UBR2: variants seen among roughly 807,000 people sequenced by gnomAD.
UBR2 encodes ubiquitin protein ligase E3 component n-recognin 2.
A neutral mutation model predicts 247.9 loss-of-function variants in UBR2; 92 were observed. That is an observed-to-expected ratio of 0.37 (90% confidence interval 0.31 to 0.44). The LOEUF (loss-of-function observed/expected upper bound fraction) is 0.44, where lower values mean the gene tolerates loss of function less well. UBR2 is among the 20% of genes least tolerant of loss of function. UBR2 has a pLI of 1.00. For missense variants in UBR2, 1,613 were observed against 2,112.6 expected (o/e 0.76, Z 4.64); for synonymous variants, 672 against 693.5 (o/e 0.97, Z 0.49).
chr6:42,681,664 A>G (rs1177312541), intron 42 of UBR2, among the ~76,000 whole-genome samples: 1 of 152,238 alleles, frequency 6.6e-6, no homozygotes, highest in African/African-American at 2.4e-5. Context: ...AGAAAATGAT[A>G]GAGCCACTAC....
chr6:42,652,838 T>TA (rs1212105520), intron 25 of UBR2, among the ~76,000 whole-genome samples, 193 bp downstream of exon 25: 1 of 152,216 alleles, frequency 6.6e-6, no homozygotes, highest in Non-Finnish European at 1.5e-5. Context: ...ACATGGTTGT[T>TA]ATTACCTCAG....
chr6:42,655,474 A>T (rs1797390373), intron 25 of UBR2, 147 bp from the exon 26 acceptor site: 1 of 502,348 alleles, frequency 2.0e-6, no homozygotes, highest in Non-Finnish European at 3.4e-6. Flanking sequence ...AAAGAAAAAA[A>T]AATTAGTACT....
intron 44 of UBR2, 95 bp from the exon 45 acceptor site, chr6:42,688,121 G>C: frequency 6.9e-7 from 1 of 1,444,202 alleles, no homozygotes. Context: ...GGCTTTACTT[G>C]ATATTGCAGA....
chr6:42,608,853 T>C (rs1362869706), intron 7 of UBR2, among the ~76,000 whole-genome samples: 1 of 152,162 alleles, frequency 6.6e-6, no homozygotes, highest in East Asian at 1.9e-4. Context: ...GTGCCTTTCA[T>C]TGAGCAAAAA....
chr6:42,605,781 A>G lies in UBR2; in HGVS notation c.723A>G (p.Gln241=), dbSNP rs376110861. The G allele has an allele frequency of 3.1e-6, 5 of 1,613,164 alleles. No individual in the cohort carries two copies. The African/African-American group carries it at 4.0e-5, about 13-fold the overall frequency. The change falls in exon 6 of 47, where the codon CAA becomes CAG. Residue 241 remains glutamine (Q), a synonymous_variant. Transcript: ENST00000372901. ...LFNDEVHTYE[Q]VIYTLQKAVN... is the part of the protein sequence containing the mutation. The stretch of plus-strand genomic sequence containing the variant: ...ATGATGAGGTTCACACCTATGAACA[A>G]GTTATTTATACTCTTCAGAAAGCTG...
At chr6:42,571,242 CA>C (rs774925925) in intron 1 of UBR2, among the ~76,000 whole-genome samples, 11,669 of 39,500 alleles carry the variant, frequency 0.3, 108 homozygotes, top group African/African-American at 0.33. Context: ...GACTCCGTCT[CA>C]AAAAAAAAAA....
intron 43 of UBR2, among the ~76,000 whole-genome samples, chr6:42,684,375 G>C (rs1326122669): frequency 6.6e-6 from 1 of 151,446 alleles, no homozygotes. Context: ...AGGAGATCAA[G>C]ACCATCCTGG....
chr6:42,675,176 T>A (rs981228055), intron 38 of UBR2, among the ~76,000 whole-genome samples: 1 of 152,212 alleles, frequency 6.6e-6, no homozygotes, highest in Admixed American at 6.5e-5. Flanking sequence ...GCTATTACTG[T>A]TCTCATTGCT....
intron 5 of UBR2, among the ~76,000 whole-genome samples, chr6:42,604,822 T>G (rs2151928486): frequency 6.6e-6 from 1 of 151,844 alleles, no homozygotes; most frequent in East Asian, 1.9e-4. Context: ...AGCCCAGGAG[T>G]TGGAGACCAG....
Position 42,678,803 on chromosome 6 carries a change from T to C in UBR2, c.4609+134T>C, listed in dbSNP as rs758231795. ...CTTATTGACTATGGTGATGTACACA[T>C]TTATAGCATAAAATGTATGTTTATG... is the stretch of plus-strand genomic sequence containing the variant. On this transcript the variant is annotated intron_variant, in intron 41 of 46. Coordinates refer to ENST00000372901, the MANE Select transcript of UBR2 (RefSeq NM_001363705.2). 8 of 971,490 alleles carry C rather than the reference T, an allele frequency of 8.2e-6. No individual in the cohort carries two copies. In the Admixed American group the frequency reaches 2.4e-4, roughly 29 times the overall value. The allele number at this position is 971,490 out of a possible 1,614,324, so 60.2% of individuals were successfully genotyped here. A position where few individuals can be genotyped will look rare whatever the true frequency, so the allele number is the denominator to read the frequency against.
intron 14 of UBR2, among the ~76,000 whole-genome samples, chr6:42,635,925 G>C (rs539182818): frequency 9.4e-4 from 143 of 152,272 alleles, no homozygotes; most frequent in African/African-American, 3.4e-3. Flanking sequence ...TGGCGATAAA[G>C]TCTAGATGAG....
At chr6:42,619,431 A>ATTTTTTTTTTTTTTT (rs1562317871) in intron 11 of UBR2, 1 of 17,186 alleles carries the variant, frequency 5.8e-5, no homozygotes, top group African/African-American at 2.5e-4. Flanking sequence ...ATATATATAT[A>ATTTTTTTTTTTTTTT]TATATATATA....
chr6:42,631,266 G>A (rs1395203709), intron 11 of UBR2, among the ~76,000 whole-genome samples: 2 of 152,166 alleles, frequency 1.3e-5, no homozygotes, highest in African/African-American at 4.8e-5. Context: ...ATGATCTTTT[G>A]TATCAGAGTG....
intron 11 of UBR2, among the ~76,000 whole-genome samples, chr6:42,622,256 T>A (rs1330845778): frequency 2.6e-5 from 4 of 152,074 alleles, no homozygotes; most frequent in Non-Finnish European, 5.9e-5. Flanking sequence ...TGACCTCAGG[T>A]GATCCACCCA....
chr6:42,689,730 A>G lies in UBR2; in HGVS notation c.5126+60A>G. On this transcript the variant is annotated intron_variant, in intron 46 of 46. Transcript: ENST00000372901. The surrounding 1 kb of genome is among the most constrained non-coding windows in gnomAD (Gnocchi z 4.0). The stretch of plus-strand genomic sequence containing the variant: ...CTGCAGCGCCCTTCCGTATGTGGTG[A>G]CGTCCTGAGGGTGGAGGGCTGAGGT... The G allele has an allele frequency of 6.8e-7, 1 of 1,468,224 alleles. No individual in the cohort carries two copies. The highest frequency in any genetic ancestry group is 1.4e-5 in the African/African-American group (1 of 72,006). The allele number at this position is 1,468,224 out of a possible 1,614,324, so 90.9% of individuals were successfully genotyped here.
chr6:42,609,908 A>G (rs939151707), intron 7 of UBR2, among the ~76,000 whole-genome samples: 4 of 151,352 alleles, frequency 2.6e-5, no homozygotes, highest in African/African-American at 7.3e-5. Flanking sequence ...AAAAAAAAAA[A>G]GAAAAAAAAA....
chr6:42,680,979 C>T (rs1206727550), intron 42 of UBR2, among the ~76,000 whole-genome samples: 1 of 151,814 alleles, frequency 6.6e-6, no homozygotes, highest in African/African-American at 2.4e-5. Flanking sequence ...CTGGCTAACA[C>T]GATGAAACCC....
intron 8 of UBR2, among the ~76,000 whole-genome samples, chr6:42,614,492 G>A (rs1380286661): frequency 6.7e-6 from 1 of 148,270 alleles, no homozygotes; most frequent in Non-Finnish European, 1.5e-5. Flanking sequence ...TTATTTTAAT[G>A]CTTATATTAA....
chr6:42,578,345 CAG>C, intron 2 of UBR2, among the ~76,000 whole-genome samples: 1 of 152,216 alleles, frequency 6.6e-6, no homozygotes, highest in South Asian at 2.1e-4. Flanking sequence ...TGCTTTGTCT[CAG>C]AAATTATGAT....
Sources: allele counts gnomAD v4.1 joint callset (sites outside exome capture counted in the v4.1 genomes callset), GRCh38; gene constraint gnomAD v4.1.1; non-coding constraint Gnocchi (gnomAD v3.1); transcripts MANE v1.5; gene names NCBI Gene and HGNC (gene_info 2026-07-23, HGNC 2026-07-21).